The following ZNHIT6 variants were observed in gnomAD, a reference collection of about 807,000 sequenced individuals.
The protein encoded by ZNHIT6 is box C/D snoRNA protein 1.
A neutral mutation model predicts 57.2 loss-of-function variants in ZNHIT6; 45 were observed. That is an observed-to-expected ratio of 0.79 (90% CI 0.62 to 1.01). The LOEUF (loss-of-function observed/expected upper bound fraction) is 1.01. Among genes scored for constraint, ZNHIT6 ranks in the 50% least tolerant of loss-of-function variants. ZNHIT6 has a pLI of 0.00. For synonymous variants in ZNHIT6, 188 were observed against 190.0 expected (o/e 0.99, Z 0.09); for missense variants, 528 against 567.3 (o/e 0.93, Z 0.70).
intron 8 of ZNHIT6, among the ~76,000 whole-genome samples, chr1:85,662,873 T>C (rs1438045253): frequency 6.6e-6 from 1 of 152,190 alleles, no homozygotes; most frequent in African/African-American, 2.4e-5. Context: ...CCATGATATT[T>C]AAACTATGGA....
intron 6 of ZNHIT6, 22 bp from the exon 7 acceptor site, chr1:85,678,803 AC>A: frequency 4.6e-6 from 6 of 1,315,326 alleles, no homozygotes; most frequent in Non-Finnish European, 6.3e-6. Flanking sequence ...AGAAAAAAAA[AC>A]AAGCTATATT....
At chr1:85,684,066 C>T (rs1051554166) in intron 5 of ZNHIT6, among the ~76,000 whole-genome samples, 5 of 152,234 alleles carry the variant, frequency 3.3e-5, no homozygotes, top group African/African-American at 9.6e-5. Flanking sequence ...AGCTACTGTT[C>T]CCTAAATTCA....
At chr1:85,702,395 G>T in intron 4 of ZNHIT6, 135 bp from the exon 5 acceptor site, 1 of 605,404 alleles carries the variant, frequency 1.7e-6, no homozygotes, top group Non-Finnish European at 2.9e-6. Flanking sequence ...GTAATCTCAT[G>T]TAATCTTCAC....
At position 85,651,121 on chromosome 1, in the gene ZNHIT6, G is replaced by A. The variant is rs967472650; in HGVS notation, c.*2937C>T. 1 of 152,118 alleles carries A rather than the reference G, an allele frequency of 6.6e-6. No individual in the cohort carries two copies. The highest frequency in any genetic ancestry group is 1.5e-5 in the Non-Finnish European group (1 of 68,020). The allele number at this position is 152,118 out of a possible 1,614,324, so 9.4% of individuals were successfully genotyped here. On this transcript the variant is annotated 3_prime_UTR_variant, in exon 10 of 10. Coordinates refer to ENST00000370574, the MANE Select transcript of ZNHIT6 (RefSeq NM_017953.4). ...TATAAAGAAAATTGTTGGCATTATA[G>A]TTATGTGATTAACATTTTAATTATA...
chr1:85,705,516 C>T (rs1662662329), intron 4 of ZNHIT6, among the ~76,000 whole-genome samples: 1 of 152,174 alleles, frequency 6.6e-6, no homozygotes, highest in Non-Finnish European at 1.5e-5. Flanking sequence ...GCACCCAACT[C>T]CTCACCAGTT....
chr1:85,702,328 A>T, intron 4 of ZNHIT6, 68 bp from the exon 5 acceptor site: 1 of 909,822 alleles, frequency 1.1e-6, no homozygotes, highest in Non-Finnish European at 1.7e-6. Context: ...GAGTAAAACA[A>T]TGTTCAATAA....
intron 5 of ZNHIT6, among the ~76,000 whole-genome samples, chr1:85,694,918 T>C (rs182701194): frequency 1.3e-5 from 2 of 152,234 alleles, no homozygotes; most frequent in Admixed American, 6.5e-5. Context: ...TTTTTGATCT[T>C]GGTACATTAA....
intron 9 of ZNHIT6, 95 bp from the exon 10 acceptor site, chr1:85,654,193 A>G: frequency 9.6e-7 from 1 of 1,043,858 alleles, no homozygotes; most frequent in Non-Finnish European, 1.4e-6. Flanking sequence ...ATGTACAGCA[A>G]AAGCACTGCT....
chr1:85,706,707 CT>C (rs1662695554), intron 1 of ZNHIT6, among the ~76,000 whole-genome samples, 200 bp from the exon 2 acceptor site: 11 of 152,166 alleles, frequency 7.2e-5, no homozygotes, highest in Non-Finnish European at 1.5e-5. Flanking sequence ...TGATATGTAA[CT>C]CAGGAAAATG....
intron 8 of ZNHIT6, among the ~76,000 whole-genome samples, chr1:85,676,988 T>C (rs1421012506): frequency 6.6e-6 from 1 of 152,200 alleles, no homozygotes; most frequent in Non-Finnish European, 1.5e-5. Context: ...AATAAAAGAA[T>C]GCTTATATTT....
At chr1:85,670,464 T>C (rs139311826) in intron 8 of ZNHIT6, among the ~76,000 whole-genome samples, 1 of 152,306 alleles carries the variant, frequency 6.6e-6, no homozygotes, top group East Asian at 1.9e-4. Context: ...TATATTTTAA[T>C]GAATTAGCAC....
At chr1:85,669,170 C>T (rs1661476965) in intron 8 of ZNHIT6, among the ~76,000 whole-genome samples, 1 of 152,008 alleles carries the variant, frequency 6.6e-6, no homozygotes, top group Non-Finnish European at 1.5e-5. Flanking sequence ...GAGAGGTTTA[C>T]AGGAAGGAAG....
chr1:85,690,515 C>T (rs1431922439), intron 5 of ZNHIT6, among the ~76,000 whole-genome samples: 1 of 152,210 alleles, frequency 6.6e-6, no homozygotes, highest in African/African-American at 2.4e-5. Context: ...GTGAGTAACA[C>T]TTCCCTCGAA....
At chr1:85,688,566 C>A (rs193293758) in intron 5 of ZNHIT6, among the ~76,000 whole-genome samples, 1 of 152,306 alleles carries the variant, frequency 6.6e-6, no homozygotes, top group Non-Finnish European at 1.5e-5. Context: ...CTCTCACCAC[C>A]ATCCTTCGTA....
At chr1:85,655,275 C>T (rs539184466) in intron 9 of ZNHIT6, among the ~76,000 whole-genome samples, 11 of 152,120 alleles carry the variant, frequency 7.2e-5, no homozygotes. Flanking sequence ...CAAAAATCCT[C>T]CTCTCTCTCC....
intron 8 of ZNHIT6, among the ~76,000 whole-genome samples, chr1:85,664,859 T>C (rs763328981): frequency 6.6e-6 from 1 of 152,150 alleles, no homozygotes; most frequent in Non-Finnish European, 1.5e-5. Flanking sequence ...TGAGACACAG[T>C]CTCGCTCTGT....
intron 6 of ZNHIT6, among the ~76,000 whole-genome samples, chr1:85,679,431 C>T (rs1282537083): frequency 6.6e-6 from 1 of 152,024 alleles, no homozygotes; most frequent in African/African-American, 2.4e-5. Context: ...AAGTTCTTCA[C>T]TAAAATCCCT....
At position 85,649,662 on chromosome 1, in the gene ZNHIT6, G is replaced by A. The variant is rs576695398; in HGVS notation, c.*4396C>T. On this transcript the variant is annotated 3_prime_UTR_variant, in exon 10 of 10. Coordinates refer to ENST00000370574, the MANE Select transcript of ZNHIT6 (RefSeq NM_017953.4). ...TTTAGTCAAGTACAGATCCCCAAAGGTTTATTTAAAGCCAATTTTTATTTA... is the reference window on the plus strand; with the variant it reads ...TTTAGTCAAGTACAGATCCCCAAAGATTTATTTAAAGCCAATTTTTATTTA... The A allele has an allele frequency of 6.6e-6, 1 of 152,052 alleles. No homozygotes were observed. The highest frequency in any genetic ancestry group is 1.5e-5 in the Non-Finnish European group (1 of 68,006). 9.4% of individuals were successfully genotyped at this position (152,052 alleles called of 1,614,324 possible).
intron 8 of ZNHIT6, among the ~76,000 whole-genome samples, chr1:85,661,898 G>A (rs1489514428): frequency 6.6e-6 from 1 of 152,042 alleles, no homozygotes; most frequent in African/African-American, 2.4e-5. Flanking sequence ...ACCCTTCTTA[G>A]ACATTTCCTC....
Sources: allele counts gnomAD v4.1 joint callset (sites outside exome capture counted in the v4.1 genomes callset), GRCh38; gene constraint gnomAD v4.1.1; transcripts MANE v1.5; gene names NCBI Gene and HGNC (gene_info 2026-07-23, HGNC 2026-07-21).